The following PDE1C variants were observed in gnomAD, a reference collection of about 807,000 sequenced individuals.
The protein encoded by PDE1C is phosphodiesterase 1C.
Under a neutral mutation model 93.1 loss-of-function variants are expected in PDE1C, and 62 were observed. That is an observed-to-expected ratio of 0.67 (90% CI 0.54 to 0.82). PDE1C has a LOEUF of 0.82. PDE1C is among the 40% of genes least tolerant of loss of function. The pLI, the probability that PDE1C is intolerant of heterozygous loss-of-function variation, is 0.00. For synonymous variants in PDE1C, 325 were observed against 310.1 expected (o/e 1.05, Z -0.50); for missense variants, 742 against 884.6 (o/e 0.84, Z 2.04).
In PDE1C at chr7:32,339,036, A is replaced by T. The variant is rs938830454; in HGVS notation, c.310+88786T>A. Among the ~76,000 whole-genome samples the T allele has an allele frequency of 1.1e-4, 16 of 151,882 alleles. No individual in the cohort carries two copies. In the East Asian group the frequency reaches 2.3e-3, roughly 22 times the overall value. ...CACACACACACACACACACACACAC[A>T]CACACACACACAAAGAGTATTAGTA... On this transcript the variant is annotated intron_variant, in intron 1 of 1. Transcript: ENST00000672256.
intron 2 of PDE1C, among the ~76,000 whole-genome samples, chr7:31,937,730 A>T (rs1401654969): frequency 6.6e-6 from 1 of 152,120 alleles, no homozygotes; most frequent in Non-Finnish European, 1.5e-5. Flanking sequence ...TGCCTTTAAA[A>T]TTTTCTATAC....
the PDE1C span, among the ~76,000 whole-genome samples, chr7:31,634,126 T>G: frequency 3.3e-5 from 5 of 152,194 alleles, no homozygotes; most frequent in Non-Finnish European, 7.3e-5. Flanking sequence ...TCCCACAAAG[T>G]GCCTGAGGCG....
At chr7:32,323,204 G>A (rs1783333488) in intron 1 of PDE1C, among the ~76,000 whole-genome samples, 1 of 152,148 alleles carries the variant, frequency 6.6e-6, no homozygotes. Context: ...TGTTGTGCTG[G>A]TAAAAAGTGC....
chr7:31,666,493 ATTAAC>A, the PDE1C span, among the ~76,000 whole-genome samples: 1,002 of 152,330 alleles, frequency 6.6e-3, 6 homozygotes, highest in African/African-American at 0.02. Context: ...ATTTTACACA[ATTAAC>A]TTAATACTGT....
the PDE1C span, among the ~76,000 whole-genome samples, chr7:31,698,931 GATATCTTT>G: frequency 6.6e-6 from 1 of 152,188 alleles, no homozygotes; most frequent in African/African-American, 2.4e-5. Context: ...CTAAGGCAGT[GATATCTTT>G]AGCTTTTGCT....
chr7:32,042,324 G>A (rs1791933670), intron 2 of PDE1C, among the ~76,000 whole-genome samples: 1 of 151,852 alleles, frequency 6.6e-6, no homozygotes, highest in Admixed American at 6.6e-5. Flanking sequence ...ACAGAAAACA[G>A]ACAAAAAAAA....
At chr7:32,027,465 T>A (rs1460577355) in intron 2 of PDE1C, among the ~76,000 whole-genome samples, 5 of 151,454 alleles carry the variant, frequency 3.3e-5, no homozygotes, top group Admixed American at 1.3e-4. Flanking sequence ...TGTGTTTAAA[T>A]AGATACCAAG....
chr7:32,144,885 C>T (rs1800742981), intron 3 of PDE1C, among the ~76,000 whole-genome samples: 1 of 148,828 alleles, frequency 6.7e-6, no homozygotes, highest in African/African-American at 2.6e-5. Context: ...CATGCGTTAG[C>T]TCTAATTCCA....
chr7:31,808,181 G>A (rs1787091569), intron 16 of PDE1C: 1 of 487,214 alleles, frequency 2.1e-6, no homozygotes, highest in Non-Finnish European at 4.0e-6. Context: ...TTCTTCAAAG[G>A]TATTCTAACC....
intron 2 of PDE1C, among the ~76,000 whole-genome samples, chr7:31,956,913 G>A (rs1260151664): frequency 2.0e-5 from 3 of 151,950 alleles, no homozygotes; most frequent in Non-Finnish European, 2.9e-5. Context: ...GGATGCTTCC[G>A]TATGCAGAAG....
intron 2 of PDE1C, among the ~76,000 whole-genome samples, chr7:32,034,736 T>C (rs1011229872): frequency 6.6e-6 from 1 of 152,112 alleles, no homozygotes; most frequent in African/African-American, 2.4e-5. Context: ...CAAGGTAGCA[T>C]AAGAGTTAAG....
the PDE1C span, among the ~76,000 whole-genome samples, chr7:31,671,720 T>C: frequency 6.6e-6 from 1 of 152,140 alleles, no homozygotes; most frequent in Admixed American, 6.5e-5. Context: ...CCACTCCACA[T>C]AGCCACAAGA....
intron 3 of PDE1C, among the ~76,000 whole-genome samples, chr7:32,094,708 C>T (rs759380699): frequency 6.6e-5 from 10 of 152,186 alleles, no homozygotes; most frequent in Non-Finnish European, 1.0e-4. Context: ...GCAGTGAGTT[C>T]GTGATGATGG....
intron 2 of PDE1C, among the ~76,000 whole-genome samples, chr7:32,193,870 G>T (rs1377312342): frequency 6.6e-6 from 1 of 150,380 alleles, no homozygotes; most frequent in Non-Finnish European, 1.5e-5. Context: ...CTTCACATTG[G>T]ATGAGTTTTG....
At chr7:31,636,198 G>A in the PDE1C span, among the ~76,000 whole-genome samples, 1 of 152,126 alleles carries the variant, frequency 6.6e-6, no homozygotes, top group African/African-American at 2.4e-5. Flanking sequence ...CCCATGACAT[G>A]TGGGGATTAT....
At chr7:32,145,078 TG>T (rs2128783638) in intron 3 of PDE1C, among the ~76,000 whole-genome samples, 1 of 152,326 alleles carries the variant, frequency 6.6e-6, no homozygotes, top group African/African-American at 2.4e-5. Flanking sequence ...CAAGCACAGA[TG>T]TTGTCGGCAA....
At chr7:31,872,678 G>C (rs1194918056) in intron 6 of PDE1C, among the ~76,000 whole-genome samples, 1 of 152,118 alleles carries the variant, frequency 6.6e-6, no homozygotes, top group Non-Finnish European at 1.5e-5. Context: ...TACCATAGAT[G>C]TTGGCAGATG....
At chr7:32,326,263 C>G (rs1385088131) in intron 1 of PDE1C, among the ~76,000 whole-genome samples, 1 of 152,136 alleles carries the variant, frequency 6.6e-6, no homozygotes, top group African/African-American at 2.4e-5. Flanking sequence ...GTTGCATATG[C>G]AAGTCTGGTA....
chr7:31,878,890 G>T, intron 4 of PDE1C, 106 bp downstream of exon 4: 1 of 1,116,646 alleles, frequency 9.0e-7, no homozygotes, highest in Non-Finnish European at 1.3e-6. Context: ...ACAATTTTCA[G>T]TATTTATAAA....
Sources: gnomAD v4.1 joint callset for allele counts (sites outside exome capture counted in the v4.1 genomes callset) on GRCh38, gnomAD v4.1.1 for gene constraint, MANE v1.5 for transcripts, NCBI Gene and HGNC (gene_info 2026-07-23, HGNC 2026-07-21) for gene names.